Variants in PTPRT observed in about 807,000 individuals in gnomAD.
PTPRT encodes the protein protein tyrosine phosphatase receptor type T.
A neutral mutation model predicts 176.8 loss-of-function variants in PTPRT; 56 were observed. That is an observed-to-expected ratio of 0.32 (90% CI 0.26 to 0.40). The LOEUF (loss-of-function observed/expected upper bound fraction) is 0.40, where lower values mean the gene tolerates loss of function less well. Among genes scored for constraint, PTPRT ranks in the 10% least tolerant of loss-of-function variants. The pLI is 1.00. For synonymous variants in PTPRT, 783 were observed against 739.0 expected (o/e 1.06, Z -0.96); for missense variants, 1,540 against 1,908.2 (o/e 0.81, Z 3.60).
At chr20:42,183,296 G>T (rs775956180) in intron 16 of PTPRT, among the ~76,000 whole-genome samples, 17 of 152,122 alleles carry the variant, frequency 1.1e-4, no homozygotes, top group Non-Finnish European at 2.2e-4. Context: ...ACATAAGGAA[G>T]GGTCTTCCTG....
chr20:42,721,275 G>GC (rs1205027745), intron 6 of PTPRT, among the ~76,000 whole-genome samples: 1 of 152,204 alleles, frequency 6.6e-6, no homozygotes, highest in African/African-American at 2.4e-5. Flanking sequence ...GCAGCAGGGA[G>GC]CCCCTGAAAG....
At chr20:43,172,139 G>A (rs796326061) in intron 1 of PTPRT, among the ~76,000 whole-genome samples, 2 of 152,130 alleles carry the variant, frequency 1.3e-5, no homozygotes, top group Middle Eastern at 3.4e-3. Flanking sequence ...CCTCAACCCC[G>A]CCACATGAAT....
chr20:42,292,268 A>C (rs570751806), intron 12 of PTPRT, among the ~76,000 whole-genome samples: 2 of 151,352 alleles, frequency 1.3e-5, no homozygotes, highest in South Asian at 4.2e-4. Context: ...GGACTCACTC[A>C]CTTAACATGT....
At chr20:42,177,124 A>G (rs888083580) in intron 16 of PTPRT, among the ~76,000 whole-genome samples, 8 of 152,186 alleles carry the variant, frequency 5.3e-5, no homozygotes, top group Non-Finnish European at 1.2e-4. Context: ...AATGCTTCTC[A>G]AGGTGTAATG....
chr20:42,662,338 C>T (rs1294828708), intron 7 of PTPRT, among the ~76,000 whole-genome samples: 1 of 152,130 alleles, frequency 6.6e-6, no homozygotes, highest in African/African-American at 2.4e-5. Flanking sequence ...AAGCATTGTA[C>T]TTAGAGTTCT....
chr20:42,564,705 T>TGCAC (rs2073010338), intron 7 of PTPRT, among the ~76,000 whole-genome samples: 1 of 152,138 alleles, frequency 6.6e-6, no homozygotes, highest in African/African-American at 2.4e-5. Flanking sequence ...CATGTATATC[T>TGCAC]ATGTAACAAA....
chr20:42,733,774 C>T (rs1381597554), intron 6 of PTPRT, among the ~76,000 whole-genome samples: 1 of 152,226 alleles, frequency 6.6e-6, no homozygotes, highest in Admixed American at 6.5e-5. Context: ...TCACAGGAAG[C>T]AGCATTCCAT....
intron 7 of PTPRT, among the ~76,000 whole-genome samples, chr20:42,580,321 T>C (rs1268453085): frequency 2.6e-5 from 4 of 152,110 alleles, no homozygotes; most frequent in Non-Finnish European, 5.9e-5. Flanking sequence ...GTAGTATAGT[T>C]TGAAGTCAGG....
intron 15 of PTPRT, among the ~76,000 whole-genome samples, chr20:42,217,121 C>G (rs1006426581): frequency 6.6e-6 from 1 of 152,100 alleles, no homozygotes; most frequent in African/African-American, 2.4e-5. Context: ...TGCCTGTAAT[C>G]CCAGCATTTT....
chr20:42,973,988 G>A (rs1291371650), intron 1 of PTPRT, among the ~76,000 whole-genome samples: 1 of 152,084 alleles, frequency 6.6e-6, no homozygotes, highest in Non-Finnish European at 1.5e-5. Flanking sequence ...TATTTGGGGA[G>A]ACAGCTGAGA....
At chr20:42,093,513 G>A (rs1387771912) in intron 27 of PTPRT, among the ~76,000 whole-genome samples, 1 of 152,214 alleles carries the variant, frequency 6.6e-6, no homozygotes, top group Admixed American at 6.5e-5. Flanking sequence ...GTAAGATTCT[G>A]AGCAGGGGCA....
chr20:42,810,813 A>G (rs745554538), intron 2 of PTPRT, among the ~76,000 whole-genome samples: 2 of 152,218 alleles, frequency 1.3e-5, no homozygotes, highest in Non-Finnish European at 2.9e-5. Context: ...TCCACCATAG[A>G]AGTCTTTCGA....
chr20:42,366,745 G>T (rs2058519750), intron 9 of PTPRT, among the ~76,000 whole-genome samples: 1 of 150,888 alleles, frequency 6.6e-6, no homozygotes, highest in Non-Finnish European at 1.5e-5. Flanking sequence ...TGCCCCTCTT[G>T]TGATTCTAGT....
At chr20:42,677,131 T>TA (rs2075518642) in intron 7 of PTPRT, among the ~76,000 whole-genome samples, 1 of 152,080 alleles carries the variant, frequency 6.6e-6, no homozygotes, top group African/African-American at 2.4e-5. Flanking sequence ...GGGACTAAGG[T>TA]AGTTCCAGAA....
At chr20:42,395,142 A>T (rs76849462) in intron 9 of PTPRT, among the ~76,000 whole-genome samples, 10,345 of 151,874 alleles carry the variant, frequency 0.068, 435 homozygotes, top group African/African-American at 0.12. Flanking sequence ...TTTCAGTCTC[A>T]TTTTCAGACT....
At chr20:42,483,856 A>T (rs1192489084) in intron 7 of PTPRT, among the ~76,000 whole-genome samples, 1 of 152,230 alleles carries the variant, frequency 6.6e-6, no homozygotes, top group Non-Finnish European at 1.5e-5. Flanking sequence ...CATGTGCTCT[A>T]CTGTCTGGCT....
At position 42,159,104 on chromosome 20, in the gene PTPRT, C is replaced by CT. The variant is rs35657012; in HGVS notation, c.2682+2247dup. ...TTTCTCAGCATTTGGCTACTTGTCC[C>CT]TTTTTTTTTTTTTGGTAAGCCACAT... On this transcript the variant is annotated intron_variant, in intron 17 of 30. Coordinates refer to ENST00000373187, the MANE Select transcript of PTPRT (RefSeq NM_007050.6). 7.1e-3 allele frequency among the ~76,000 whole-genome samples: 992 copies of CT among 140,314 alleles called. 1 individual carries two copies. Among genetic ancestry groups the CT allele is most frequent in the Non-Finnish European group, 0.011 (678 of 64,326 alleles). 92.1% of individuals were successfully genotyped at this position (140,314 alleles called of 152,430 possible).
At chr20:43,029,479 T>C (rs1022569232) in intron 1 of PTPRT, among the ~76,000 whole-genome samples, 3 of 152,224 alleles carry the variant, frequency 2.0e-5, no homozygotes, top group African/African-American at 7.2e-5. Context: ...TTCATTCTCC[T>C]ACCTTCAATG....
At chr20:42,760,035 G>A (rs2076892023) in intron 5 of PTPRT, among the ~76,000 whole-genome samples, 1 of 152,230 alleles carries the variant, frequency 6.6e-6, no homozygotes. Flanking sequence ...AGGAGTCATG[G>A]AGCATGAAGT....
Sources: gnomAD v4.1 joint callset for allele counts (sites outside exome capture counted in the v4.1 genomes callset) on GRCh38, gnomAD v4.1.1 for gene constraint, MANE v1.5 for transcripts, NCBI Gene and HGNC (gene_info 2026-07-23, HGNC 2026-07-21) for gene names.